The following SWT1 variants were observed in gnomAD, a reference collection of about 807,000 sequenced individuals.
SWT1 encodes the protein transcriptional protein SWT1.
SWT1 carries 33 observed loss-of-function variants against 107.3 expected under a neutral mutation model. The ratio of observed to expected loss-of-function variants is 0.31; its 90% confidence interval spans 0.23 to 0.41. The LOEUF (loss-of-function observed/expected upper bound fraction) is 0.41, where lower values mean the gene tolerates loss of function less well. SWT1 is among the 10% of genes least tolerant of loss of function. The pLI, the probability that SWT1 is intolerant of heterozygous loss-of-function variation, is 1.00. For missense variants in SWT1, 898 were observed against 1,028.9 expected, an observed-to-expected ratio of 0.87 and a Z score of 1.74; for synonymous variants, 345 against 348.3, an observed-to-expected ratio of 0.99 and a Z score of 0.11.
chr1:185,248,366 T>A (rs1661760413), intron 16 of SWT1, among the ~76,000 whole-genome samples: 1 of 152,360 alleles, frequency 6.6e-6, no homozygotes, highest in South Asian at 2.1e-4. Flanking sequence ...TCAGAGAAGT[T>A]GCAGGATACG....
intron 10 of SWT1, among the ~76,000 whole-genome samples, chr1:185,202,311 T>A (rs1657949122): frequency 6.6e-6 from 1 of 152,172 alleles, no homozygotes; most frequent in Non-Finnish European, 1.5e-5. Flanking sequence ...ATAATCACAT[T>A]CCTGTATTCA....
chr1:185,271,239 G>A, intron 16 of SWT1, 84 bp from the exon 17 acceptor site: 1 of 722,346 alleles, frequency 1.4e-6, no homozygotes, highest in Non-Finnish European at 2.5e-6. Flanking sequence ...CTTGTGGTAT[G>A]GGTATGTTTT....
chr1:185,160,721 T>C (rs1654070149), intron 1 of SWT1, 112 bp from the exon 2 acceptor site: 2 of 746,460 alleles, frequency 2.7e-6, no homozygotes, highest in East Asian at 5.7e-5. Context: ...TAAAATAAAA[T>C]AAAAAGTGAT....
intron 2 of SWT1, among the ~76,000 whole-genome samples, chr1:185,161,502 A>G (rs1368058748): frequency 6.6e-6 from 1 of 151,970 alleles, no homozygotes; most frequent in Non-Finnish European, 1.5e-5. Context: ...CCAGGAGTCT[A>G]AGACCAGCCT....
At chr1:185,182,186 A>G in intron 7 of SWT1, 129 bp downstream of exon 7, 1 of 929,158 alleles carries the variant, frequency 1.1e-6, no homozygotes, top group East Asian at 2.7e-5. Flanking sequence ...TGATAAAGTA[A>G]TAGTTTATTT....
chr1:185,266,985 A>G (rs1663451370), intron 16 of SWT1, among the ~76,000 whole-genome samples: 1 of 152,140 alleles, frequency 6.6e-6, no homozygotes, highest in African/African-American at 2.4e-5. Flanking sequence ...TAAATGGACT[A>G]TTTCATTTGA....
intron 5 of SWT1, among the ~76,000 whole-genome samples, chr1:185,178,019 T>C (rs1041394850): frequency 6.6e-6 from 1 of 152,136 alleles, no homozygotes; most frequent in Non-Finnish European, 1.5e-5. Context: ...GGCAGACTAG[T>C]AAGTAAAAAA....
At chr1:185,265,451 AT>A (rs1197488905) in intron 16 of SWT1, among the ~76,000 whole-genome samples, 1 of 152,126 alleles carries the variant, frequency 6.6e-6, no homozygotes, top group East Asian at 1.9e-4. Flanking sequence ...GTGTTTCCTC[AT>A]TGTGGATTTG....
At chr1:185,231,905 AT>A (rs776327816) in intron 16 of SWT1, among the ~76,000 whole-genome samples, 197 bp downstream of exon 16, 16 of 152,160 alleles carry the variant, frequency 1.1e-4, no homozygotes, top group Non-Finnish European at 2.4e-4. Context: ...ATGTACCAAG[AT>A]TGTTTGACCT....
At chr1:185,206,168 AG>A (rs2102467088) in intron 12 of SWT1, among the ~76,000 whole-genome samples, 1 of 152,264 alleles carries the variant, frequency 6.6e-6, no homozygotes, top group Admixed American at 6.5e-5. Flanking sequence ...CATGTTGGCC[AG>A]GCTGGTCTCG....
chr1:185,256,502 A>G (rs1490359114), intron 16 of SWT1, among the ~76,000 whole-genome samples: 1 of 150,424 alleles, frequency 6.6e-6, no homozygotes, highest in East Asian at 1.9e-4. Context: ...TTTTCTCTAA[A>G]CTTGCCTTCT....
At chr1:185,248,294 A>G (rs939930844) in intron 16 of SWT1, among the ~76,000 whole-genome samples, 9 of 152,210 alleles carry the variant, frequency 5.9e-5, no homozygotes, top group African/African-American at 1.4e-4. Flanking sequence ...AAACAAATTA[A>G]ACTCAACTTA....
Position 185,212,589 on chromosome 1 carries a change from C to T in SWT1, c.1973-1918C>T, listed in dbSNP as rs567401934. On this transcript the variant is annotated intron_variant, in intron 13 of 18. Transcript: ENST00000367500. ...CATGGGATTATAAAAGTACCTCTTG[C>T]CAGGAGTTCATTGCCAGCGTGGCCA... Among the ~76,000 whole-genome samples the T allele has an allele frequency of 9.2e-5, 14 of 152,070 alleles. No individual in the cohort carries two copies. In the East Asian group the frequency reaches 2.1e-3, roughly 23 times the overall value.
intron 16 of SWT1, among the ~76,000 whole-genome samples, chr1:185,245,891 C>T (rs989169057): frequency 2.6e-5 from 4 of 152,060 alleles, no homozygotes; most frequent in Admixed American, 2.6e-4. Context: ...ACCTCAGCCT[C>T]CCAAGTAGCT....
At chr1:185,253,811 C>G (rs971662361) in intron 16 of SWT1, among the ~76,000 whole-genome samples, 1 of 151,552 alleles carries the variant, frequency 6.6e-6, no homozygotes, top group African/African-American at 2.4e-5. Context: ...ACTTCCAACA[C>G]CATGTTGAAT....
chr1:185,264,562 C>A, intron 16 of SWT1: 1 of 529,502 alleles, frequency 1.9e-6, no homozygotes, highest in Non-Finnish European at 2.4e-6. Flanking sequence ...CTCATTTAAT[C>A]ATCTTAATAT....
chr1:185,274,926 CTTTA>C (rs1354915831), intron 17 of SWT1, among the ~76,000 whole-genome samples: 1 of 152,084 alleles, frequency 6.6e-6, no homozygotes, highest in East Asian at 1.9e-4. Context: ...TTCAGTTTTT[CTTTA>C]TTAGTAAAGT....
At chr1:185,206,791 C>T in intron 13 of SWT1, 28 bp downstream of exon 13, 1 of 1,531,584 alleles carries the variant, frequency 6.5e-7, no homozygotes, top group Non-Finnish European at 8.8e-7. Context: ...TTCTCTTTAG[C>T]AGTGTTGTAT....
At chr1:185,265,127 T>A (rs1415003914) in intron 16 of SWT1, among the ~76,000 whole-genome samples, 2 of 152,190 alleles carry the variant, frequency 1.3e-5, no homozygotes. Flanking sequence ...ATCAAAAGTT[T>A]TTATGTTTAA....
Sources: allele counts gnomAD v4.1 joint callset (sites outside exome capture counted in the v4.1 genomes callset), GRCh38; gene constraint gnomAD v4.1.1; transcripts MANE v1.5; gene names NCBI Gene and HGNC (gene_info 2026-07-23, HGNC 2026-07-21).